The following KCNH5 variants were observed in gnomAD, a reference collection of about 807,000 sequenced individuals.
KCNH5 encodes potassium voltage-gated channel subfamily H member 5.
A neutral mutation model predicts 96.1 loss-of-function variants in KCNH5; 46 were observed. The ratio of observed to expected loss-of-function variants is 0.48; its 90% CI spans 0.38 to 0.61. The LOEUF (loss-of-function observed/expected upper bound fraction) is 0.61, where lower values mean the gene tolerates loss of function less well. Ranked by LOEUF, KCNH5 falls within the 20% of genes least tolerant of loss-of-function variation. KCNH5 has a pLI of 0.00. For missense variants in KCNH5, 907 were observed against 1,225.8 expected, an observed-to-expected ratio of 0.74 and a Z score of 3.88; for synonymous variants, 439 against 449.8, an observed-to-expected ratio of 0.98 and a Z score of 0.30.
At chr14:63,003,892 T>C (rs1891077965) in intron 3 of KCNH5, among the ~76,000 whole-genome samples, 1 of 151,848 alleles carries the variant, frequency 6.6e-6, no homozygotes, top group Non-Finnish European at 1.5e-5. Flanking sequence ...AGTGCTGAGA[T>C]TACAGGTGTC....
chr14:62,943,041 A>C (rs1306128963), intron 7 of KCNH5, among the ~76,000 whole-genome samples: 1 of 152,216 alleles, frequency 6.6e-6, no homozygotes, highest in African/African-American at 2.4e-5. Flanking sequence ...CATATTTAAT[A>C]ATGTACTTAA....
At chr14:62,883,960 C>A (rs1292942647) in intron 7 of KCNH5, among the ~76,000 whole-genome samples, 1 of 151,940 alleles carries the variant, frequency 6.6e-6, no homozygotes, top group Non-Finnish European at 1.5e-5. Flanking sequence ...TAATCATAGC[C>A]AGTTGTTTCT....
intron 10 of KCNH5, among the ~76,000 whole-genome samples, chr14:62,725,203 C>T (rs149827381): frequency 1.4e-4 from 21 of 152,212 alleles, no homozygotes; most frequent in East Asian, 3.9e-4. Flanking sequence ...AATTTATCCA[C>T]GTAACTCAAA....
rs1595603987 is a variant in KCNH5 at position 62,746,106 on chromosome 14, A to G, written c.2019+33622T>C. On this transcript the variant is annotated intron_variant, in intron 10 of 10. Transcript: ENST00000322893. Reference sequence around the variant, plus strand: ...TGTGAATTCATCAAATGGAAATTTTACAATTTTCTCACGACCTGGCTCTGC... The same window carrying G: ...TGTGAATTCATCAAATGGAAATTTTGCAATTTTCTCACGACCTGGCTCTGC... 3.9e-5 allele frequency among the ~76,000 whole-genome samples: 6 copies of G among 152,354 alleles called. No individual in the cohort carries two copies. In the South Asian group the frequency reaches 1.2e-3, roughly 32 times the overall value.
At chr14:62,737,960 G>A (rs1449910009) in intron 10 of KCNH5, among the ~76,000 whole-genome samples, 4 of 151,864 alleles carry the variant, frequency 2.6e-5, no homozygotes, top group Admixed American at 2.0e-4. Flanking sequence ...TCCTATACCC[G>A]CCTACCTATG....
Position 62,864,341 on chromosome 14 carries a change from C to T in KCNH5, c.1370-14489G>A, listed in dbSNP as rs369455388. On this transcript the variant is annotated intron_variant, in intron 7 of 10. Coordinates refer to ENST00000322893, the MANE Select transcript of KCNH5 (RefSeq NM_139318.5). ...GGTCAATTTCCAATTTGGAGAATATCACTCTTCTCCAAACTGGTTTTCACA... is the reference window on the plus strand; with the variant it reads ...GGTCAATTTCCAATTTGGAGAATATTACTCTTCTCCAAACTGGTTTTCACA... Among the ~76,000 whole-genome samples the T allele has an allele frequency of 4.6e-4, 70 of 152,276 alleles. No homozygotes were observed. The South Asian group carries it at 0.014, about 32-fold the overall frequency.
intron 4 of KCNH5, among the ~76,000 whole-genome samples, chr14:62,999,501 G>A (rs1890971509): frequency 2.0e-5 from 3 of 151,832 alleles, no homozygotes; most frequent in Admixed American, 2.0e-4. Flanking sequence ...AAGAGAATGT[G>A]GCACATACAC....
chr14:62,773,957 C>T (rs976672340), intron 10 of KCNH5, among the ~76,000 whole-genome samples: 9 of 152,124 alleles, frequency 5.9e-5, no homozygotes, highest in African/African-American at 2.2e-4. Flanking sequence ...TTTGAGGATA[C>T]AGATTTCCTA....
At chr14:62,966,037 AC>A (rs1300576414) in intron 6 of KCNH5, among the ~76,000 whole-genome samples, 1 of 152,136 alleles carries the variant, frequency 6.6e-6, no homozygotes, top group Non-Finnish European at 1.5e-5. Flanking sequence ...GACAATTGCA[AC>A]ATCTGTAAAA....
At chr14:62,843,638 CTCACCTCGTGATCCG>C (rs1322848555) in intron 8 of KCNH5, among the ~76,000 whole-genome samples, 1 of 151,910 alleles carries the variant, frequency 6.6e-6, no homozygotes, top group Middle Eastern at 3.2e-3. Context: ...TCTCGATCTC[CTCACCTCGTGATCCG>C]CCTGCCTCAG....
At chr14:62,781,446 G>A (rs1192512072) in intron 9 of KCNH5, among the ~76,000 whole-genome samples, 5 of 152,140 alleles carry the variant, frequency 3.3e-5, no homozygotes, top group African/African-American at 9.7e-5. Flanking sequence ...TTTACTAGGC[G>A]GGAATTTCCT....
intron 8 of KCNH5, among the ~76,000 whole-genome samples, chr14:62,840,493 C>A (rs28481328): frequency 0.11 from 16,131 of 150,970 alleles, 1,084 homozygotes; most frequent in East Asian, 0.29. Flanking sequence ...GAACCAGATG[C>A]ATCTCTTTCT....
intron 8 of KCNH5, among the ~76,000 whole-genome samples, chr14:62,835,118 T>C (rs9323421): frequency 0.11 from 16,372 of 152,038 alleles, 1,118 homozygotes; most frequent in East Asian, 0.29. Flanking sequence ...ATTTCACTTT[T>C]TAATTCAGCT....
chr14:62,948,435 T>C (rs867469334), intron 7 of KCNH5, among the ~76,000 whole-genome samples: 5 of 151,986 alleles, frequency 3.3e-5, no homozygotes, highest in Admixed American at 6.6e-5. Flanking sequence ...CCTTGACACA[T>C]ACACTCTCCC....
At position 62,945,916 on chromosome 14, in the gene KCNH5, A is replaced by C. The variant is rs1889878643; in HGVS notation, c.1369+4217T>G. On this transcript the variant is annotated intron_variant, in intron 7 of 10. Coordinates refer to ENST00000322893, the MANE Select transcript of KCNH5 (RefSeq NM_139318.5). ...TGAAGTGAGTGAGGTAGGCAGGGCC[A>C]TATCAGGAAGGCCTTGAAAGATGAG... is the stretch of plus-strand genomic sequence containing the variant. Among the ~76,000 whole-genome samples the C allele has an allele frequency of 2.6e-5, 4 of 152,078 alleles. No individual in the cohort carries two copies. The South Asian group carries it at 8.3e-4, about 32-fold the overall frequency.
chr14:63,013,236 A>C (rs1340991825), intron 2 of KCNH5, among the ~76,000 whole-genome samples: 2 of 152,100 alleles, frequency 1.3e-5, no homozygotes, highest in African/African-American at 4.8e-5. Context: ...ACTTTTGAAC[A>C]TTCAAAACTG....
intron 7 of KCNH5, among the ~76,000 whole-genome samples, chr14:62,890,978 A>G (rs10151264): frequency 0.16 from 24,527 of 152,156 alleles, 2,199 homozygotes; most frequent in East Asian, 0.28. Context: ...TAGTTCAACT[A>G]TTGTGGAAAG....
intron 10 of KCNH5, among the ~76,000 whole-genome samples, chr14:62,766,732 CA>C (rs1442007192): frequency 1.3e-5 from 2 of 151,682 alleles, no homozygotes; most frequent in African/African-American, 4.8e-5. Context: ...TTAATGGGTA[CA>C]AAAAAGTAGA....
At chr14:63,041,165 T>A (rs548053350) in intron 1 of KCNH5, among the ~76,000 whole-genome samples, 10 of 152,260 alleles carry the variant, frequency 6.6e-5, no homozygotes, top group Non-Finnish European at 1.2e-4. Flanking sequence ...ATGAGTAAAA[T>A]GTGCTGCCCA....
Sources: gnomAD v4.1 joint callset for allele counts (sites outside exome capture counted in the v4.1 genomes callset) on GRCh38, gnomAD v4.1.1 for gene constraint, MANE v1.5 for transcripts, NCBI Gene and HGNC (gene_info 2026-07-23, HGNC 2026-07-21) for gene names.